The following ADAMTSL1 variants were observed in gnomAD, a reference collection of about 807,000 sequenced individuals.
The protein encoded by ADAMTSL1 is ADAMTS like 1, also known as ADAMTS-like protein 1.
In ADAMTSL1, 126 loss-of-function variants were observed where a neutral mutation model predicts 201.8. That is an observed-to-expected ratio of 0.62 (90% CI 0.54 to 0.72). The LOEUF is 0.72. Among genes scored for constraint, ADAMTSL1 ranks in the 30% least tolerant of loss-of-function variants. The pLI is 0.00. For missense variants in ADAMTSL1, 2,679 were observed against 2,277.8 expected, an observed-to-expected ratio of 1.18 and a Z score of -3.59; for synonymous variants, 1,121 against 903.4, an observed-to-expected ratio of 1.24 and a Z score of -4.32.
intron 16 of ADAMTSL1, among the ~76,000 whole-genome samples, chr9:18,759,989 G>A (rs1266397023): frequency 3.9e-5 from 6 of 152,144 alleles, no homozygotes; most frequent in Non-Finnish European, 8.8e-5. Flanking sequence ...TGTGTGCATA[G>A]CACCGTGTCT....
At chr9:18,325,442 G>C (rs904110382) in intron 2 of ADAMTSL1, among the ~76,000 whole-genome samples, 1 of 152,174 alleles carries the variant, frequency 6.6e-6, no homozygotes, top group Non-Finnish European at 1.5e-5. Context: ...ACATATTCAT[G>C]TGGATGAATC....
At chr9:17,926,148 G>A (rs1379918337) in intron 1 of ADAMTSL1, among the ~76,000 whole-genome samples, 1 of 152,082 alleles carries the variant, frequency 6.6e-6, no homozygotes, top group Admixed American at 6.5e-5. Context: ...AATAATCATT[G>A]TCATACTGCT....
chr9:18,259,867 A>G (rs1303180549), intron 2 of ADAMTSL1, among the ~76,000 whole-genome samples: 2 of 152,198 alleles, frequency 1.3e-5, no homozygotes, highest in African/African-American at 4.8e-5. Context: ...GGAAAGAACA[A>G]TTATATAAAG....
At chr9:18,516,284 A>C (rs1052199503) in intron 2 of ADAMTSL1, among the ~76,000 whole-genome samples, 6 of 152,186 alleles carry the variant, frequency 3.9e-5, no homozygotes, top group African/African-American at 1.4e-4. Context: ...GGATATTAAA[A>C]GCAAACAGAG....
chr9:18,240,516 A>T (rs1831021389), intron 2 of ADAMTSL1, among the ~76,000 whole-genome samples: 1 of 152,070 alleles, frequency 6.6e-6, no homozygotes, highest in Admixed American at 6.6e-5. Context: ...GGAAATGAGC[A>T]TTTTCTTCAA....
chr9:18,497,229 G>C lies in ADAMTSL1; in HGVS notation c.64-7600G>C, dbSNP rs1822576021. Among the ~76,000 whole-genome samples the C allele has an allele frequency of 2.6e-5, 4 of 152,222 alleles. No individual in the cohort carries two copies. In the South Asian group the frequency reaches 8.3e-4, roughly 31 times the overall value. ...TATCAGGGTTTAAAATATCCCTATA[G>C]TCCAGGGGCCAGGAAGGTGATGACT... On this transcript the variant is annotated intron_variant, in intron 1 of 28. Coordinates refer to ENST00000380548, the MANE Select transcript of ADAMTSL1 (RefSeq NM_001040272.6).
chr9:18,162,044 T>G (rs1193373214), intron 1 of ADAMTSL1, among the ~76,000 whole-genome samples: 1 of 152,048 alleles, frequency 6.6e-6, no homozygotes, highest in East Asian at 1.9e-4. Context: ...AAGTATTATC[T>G]TACAATTTCT....
intron 2 of ADAMTSL1, among the ~76,000 whole-genome samples, chr9:18,389,180 T>C (rs931469249): frequency 2.0e-5 from 3 of 150,028 alleles, no homozygotes; most frequent in African/African-American, 7.6e-5. Context: ...TCCCAATTTC[T>C]ACCTCTTTTT....
intron 26 of ADAMTSL1, among the ~76,000 whole-genome samples, chr9:18,897,127 GA>G (rs1372004508): frequency 6.6e-6 from 1 of 152,206 alleles, no homozygotes; most frequent in African/African-American, 2.4e-5. Context: ...ATAGTGGCCA[GA>G]ATGATTGTTT....
At chr9:18,891,180 C>G (rs1829243361) in intron 25 of ADAMTSL1, among the ~76,000 whole-genome samples, 1 of 133,392 alleles carries the variant, frequency 7.5e-6, no homozygotes, top group Admixed American at 7.5e-5. Context: ...CGCCGCTTGG[C>G]TAGGACGAAG....
chr9:18,320,090 C>T (rs1352824349), intron 2 of ADAMTSL1, among the ~76,000 whole-genome samples: 1 of 151,994 alleles, frequency 6.6e-6, no homozygotes, highest in East Asian at 1.9e-4. Flanking sequence ...GACGTTCATC[C>T]TGAAAATGCA....
intron 24 of ADAMTSL1, among the ~76,000 whole-genome samples, chr9:18,889,266 G>A (rs11792586): frequency 0.46 from 70,460 of 152,064 alleles, 16,630 homozygotes; most frequent in East Asian, 0.53. Context: ...GGCATTAATT[G>A]TGCACTCTTT....
At chr9:18,801,972 G>C (rs910511396) in intron 20 of ADAMTSL1, among the ~76,000 whole-genome samples, 4 of 152,072 alleles carry the variant, frequency 2.6e-5, no homozygotes, top group Non-Finnish European at 4.4e-5. Flanking sequence ...CAATTCAACA[G>C]CTTTTCATAT....
intron 1 of ADAMTSL1, among the ~76,000 whole-genome samples, chr9:17,922,009 C>T (rs555188000): frequency 6.6e-6 from 1 of 150,488 alleles, no homozygotes; most frequent in Admixed American, 6.6e-5. Flanking sequence ...ATAGAGTTAA[C>T]ATGATATAAA....
intron 1 of ADAMTSL1, among the ~76,000 whole-genome samples, chr9:17,935,125 A>G (rs1205860853): frequency 1.3e-5 from 2 of 152,082 alleles, no homozygotes; most frequent in African/African-American, 4.8e-5. Context: ...AGCAGCCTTC[A>G]TATTATTAAT....
At chr9:18,306,628 A>C (rs1033985190) in intron 2 of ADAMTSL1, among the ~76,000 whole-genome samples, 1 of 152,188 alleles carries the variant, frequency 6.6e-6, no homozygotes, top group African/African-American at 2.4e-5. Flanking sequence ...TAGACCATGA[A>C]GACAAGATTA....
chr9:17,981,109 G>T (rs1185932825), intron 1 of ADAMTSL1, among the ~76,000 whole-genome samples: 1 of 152,188 alleles, frequency 6.6e-6, no homozygotes, highest in African/African-American at 2.4e-5. Flanking sequence ...GGGGCTCAAA[G>T]TTCAACATAA....
intron 2 of ADAMTSL1, among the ~76,000 whole-genome samples, chr9:18,178,075 C>G (rs930183541): frequency 6.6e-6 from 1 of 152,172 alleles, no homozygotes; most frequent in East Asian, 1.9e-4. Context: ...GCATGAGCGA[C>G]GCAGAAGAAG....
In ADAMTSL1 at chr9:17,968,986, C is replaced by T. The variant is rs569020853; in HGVS notation, c.87+62064C>T. On this transcript the variant is annotated intron_variant, in intron 1 of 29. Transcript: ENST00000680146. ...GCTCGTCTAGGGTCTTTCTTTGAGG[C>T]CCCTTTTTGAATCCTACTTCAGGAG... Among the ~76,000 whole-genome samples, 15 of 152,038 alleles carry T rather than the reference C, an allele frequency of 9.9e-5. No homozygotes were observed. The South Asian group carries it at 1.0e-3, about 11-fold the overall frequency.
Sources: allele counts gnomAD v4.1 joint callset (sites outside exome capture counted in the v4.1 genomes callset), GRCh38; gene constraint gnomAD v4.1.1; transcripts MANE v1.5; gene names NCBI Gene and HGNC (gene_info 2026-07-23, HGNC 2026-07-21).